Variants in FTO observed in about 807,000 individuals in gnomAD.
The protein encoded by FTO is alpha-ketoglutarate-dependent dioxygenase FTO.
FTO carries 47 observed loss-of-function variants against 63.9 expected under a neutral mutation model. The observed-to-expected ratio is 0.74, with a 90% CI of 0.58 to 0.94. The LOEUF is 0.94. Ranked by LOEUF, FTO falls within the 40% of genes least tolerant of loss-of-function variation. FTO has a pLI of 0.00. For missense variants in FTO, 562 were observed against 618.1 expected (o/e 0.91, Z 0.96); for synonymous variants, 207 against 224.4 (o/e 0.92, Z 0.69).
chr16:53,970,121 A>T (rs1431751147), intron 8 of FTO, among the ~76,000 whole-genome samples: 1 of 152,180 alleles, frequency 6.6e-6, no homozygotes, highest in Non-Finnish European at 1.5e-5. Context: ...AGTAGATTGG[A>T]CCGTAATTTT....
chr16:53,705,052 A>G (rs1175342735), intron 1 of FTO, among the ~76,000 whole-genome samples: 1 of 151,526 alleles, frequency 6.6e-6, no homozygotes, highest in African/African-American at 2.4e-5. Flanking sequence ...CCTTGGACCA[A>G]GCTACCATTA....
intron 2 of FTO, among the ~76,000 whole-genome samples, chr16:53,813,005 G>C (rs2078574805): frequency 6.6e-6 from 1 of 152,140 alleles, no homozygotes; most frequent in African/African-American, 2.4e-5. Flanking sequence ...AGCCATTTCA[G>C]CTTTTGTCGT....
At chr16:54,075,320 C>T (rs1041756600) in intron 8 of FTO, among the ~76,000 whole-genome samples, 9 of 152,044 alleles carry the variant, frequency 5.9e-5, no homozygotes, top group South Asian at 2.1e-4. Context: ...ATGGTTTGTT[C>T]GCCTCTGATA....
At chr16:53,718,323 A>G (rs1449734513) in intron 1 of FTO, among the ~76,000 whole-genome samples, 3 of 152,126 alleles carry the variant, frequency 2.0e-5, no homozygotes, top group Non-Finnish European at 4.4e-5. Context: ...TGTTTTTTAA[A>G]TGATACTTAA....
At chr16:53,825,829 T>TA in intron 2 of FTO, 35 bp from the exon 3 acceptor site, 1 of 1,607,018 alleles carries the variant, frequency 6.2e-7, no homozygotes, top group South Asian at 1.1e-5. Context: ...TGTAGCTATA[T>TA]ATCAACGTCT....
At chr16:54,026,002 G>T (rs2084706412) in intron 8 of FTO, among the ~76,000 whole-genome samples, 2 of 148,554 alleles carry the variant, frequency 1.3e-5, no homozygotes, top group South Asian at 4.4e-4. Flanking sequence ...ACAGAGCAAG[G>T]CTCTGGCTCA....
intron 8 of FTO, among the ~76,000 whole-genome samples, chr16:53,996,606 G>A (rs761003451): frequency 6.6e-6 from 1 of 152,098 alleles, no homozygotes; most frequent in African/African-American, 2.4e-5. Flanking sequence ...CTTTTGATAG[G>A]GGTATTGTAT....
chr16:53,912,501 TTAAGCTTG>T (rs2081737848), intron 7 of FTO, among the ~76,000 whole-genome samples: 2 of 152,232 alleles, frequency 1.3e-5, no homozygotes, highest in Admixed American at 1.3e-4. Context: ...TTCTTTTCTA[TTAAGCTTG>T]TGTATTTAGA....
chr16:53,723,548 T>A (rs2076087248), intron 1 of FTO, among the ~76,000 whole-genome samples: 1 of 152,162 alleles, frequency 6.6e-6, no homozygotes, highest in Admixed American at 6.5e-5. Flanking sequence ...AACATCTCAC[T>A]TTACAGAATC....
At chr16:53,721,225 G>A (rs576134497) in intron 1 of FTO, among the ~76,000 whole-genome samples, 28 of 152,306 alleles carry the variant, frequency 1.8e-4, no homozygotes, top group Middle Eastern at 3.4e-3. Context: ...ACAGTCTGGT[G>A]AAATGCACAT....
At chr16:53,860,239 G>A (rs2080131611) in intron 4 of FTO, among the ~76,000 whole-genome samples, 1 of 152,176 alleles carries the variant, frequency 6.6e-6, no homozygotes, top group African/African-American at 2.4e-5. Flanking sequence ...AATACCACAT[G>A]ATCTTACTTA....
intron 8 of FTO, chr16:53,991,971 A>G (rs1384197080): frequency 6.6e-6 from 1 of 152,104 alleles, no homozygotes; most frequent in Non-Finnish European, 1.5e-5. Context: ...CCCCGCCTCC[A>G]CCCAGCCCCC....
At chr16:53,909,357 A>C (rs534485839) in intron 7 of FTO, among the ~76,000 whole-genome samples, 2 of 152,090 alleles carry the variant, frequency 1.3e-5, no homozygotes, top group African/African-American at 2.4e-5. Flanking sequence ...TGCAGTGGCA[A>C]ATGAGGGGGT....
rs1269255324 is a variant in FTO at position 54,121,647 on chromosome 16, C to CCTCCCGCGA, written c.*9734_*9735insCCCGCGACT. The CCTCCCGCGA allele has an allele frequency of 2.0e-5, 3 of 152,144 alleles. No individual in the cohort carries two copies. Among genetic ancestry groups the CCTCCCGCGA allele is most frequent in the Non-Finnish European group, 4.4e-5 (3 of 68,040 alleles). 9.4% of individuals were successfully genotyped at this position (152,144 alleles called of 1,614,324 possible). ...GAATCTTTTTCCAGCACTCCTGAGCCCTTCGGGTCGCGGAACAGTGCGAAG... is the reference window on the plus strand; with the variant it reads ...GAATCTTTTTCCAGCACTCCTGAGCCCTCCCGCGACTTCGGGTCGCGGAACAGTGCGAAG... On this transcript the variant is annotated 3_prime_UTR_variant, in exon 9 of 9. Transcript: ENST00000471389.
At chr16:53,988,239 T>C (rs1356410636) in intron 8 of FTO, among the ~76,000 whole-genome samples, 1 of 152,238 alleles carries the variant, frequency 6.6e-6, no homozygotes, top group Non-Finnish European at 1.5e-5. Flanking sequence ...TATTTTCATA[T>C]AATTCTTCCT....
intron 1 of FTO, among the ~76,000 whole-genome samples, chr16:53,738,466 G>C (rs1428342032): frequency 2.6e-5 from 4 of 152,138 alleles, no homozygotes; most frequent in Non-Finnish European, 5.9e-5. Context: ...CCATTATATG[G>C]ACACATCCCA....
chr16:54,111,431 A>C (rs2086884019), intron 8 of FTO, among the ~76,000 whole-genome samples: 1 of 152,226 alleles, frequency 6.6e-6, no homozygotes, highest in Non-Finnish European at 1.5e-5. Flanking sequence ...GCTTAATCAC[A>C]CACTTTAAAT....
At chr16:53,733,707 A>T (rs1251518158) in intron 1 of FTO, among the ~76,000 whole-genome samples, 3 of 152,200 alleles carry the variant, frequency 2.0e-5, no homozygotes, top group Non-Finnish European at 4.4e-5. Context: ...AGATAACATT[A>T]AAAAAGGTTA....
intron 8 of FTO, among the ~76,000 whole-genome samples, chr16:54,032,082 T>A (rs13331869): frequency 0.21 from 32,376 of 152,096 alleles, 4,678 homozygotes; most frequent in African/African-American, 0.4. Context: ...AACAGTGACA[T>A]GATGCTGGTG....
Sources: allele counts gnomAD v4.1 joint callset (sites outside exome capture counted in the v4.1 genomes callset), GRCh38; gene constraint gnomAD v4.1.1; transcripts MANE v1.5; gene names NCBI Gene and HGNC (gene_info 2026-07-23, HGNC 2026-07-21).